ANKRD62: variants seen among roughly 807,000 people sequenced by gnomAD.
ANKRD62 encodes the protein ankyrin repeat domain 62, also known as ankyrin repeat domain-containing protein 62.
ANKRD62 carries 61 observed loss-of-function variants against 98.8 expected under a neutral mutation model. The ratio of observed to expected loss-of-function variants is 0.62; its 90% CI spans 0.50 to 0.76. The LOEUF is 0.76. Among genes scored for constraint, ANKRD62 ranks in the 30% least tolerant of loss-of-function variants. The pLI is 0.00. For missense variants in ANKRD62, 933 were observed against 1,082.9 expected (o/e 0.86, Z 1.94); for synonymous variants, 341 against 367.9 (o/e 0.93, Z 0.84).
chr18:12,176,596 C>G, the ANKRD62 span, among the ~76,000 whole-genome samples: 1 of 122,102 alleles, frequency 8.2e-6, no homozygotes, highest in African/African-American at 3.1e-5. Flanking sequence ...GTGGCTAACA[C>G]AGCCTCTGAC....
At chr18:12,118,153 A>C (rs2143922954) in intron 10 of ANKRD62, among the ~76,000 whole-genome samples, 1 of 152,318 alleles carries the variant, frequency 6.6e-6, no homozygotes, top group South Asian at 2.1e-4. Context: ...ACTGACATGT[A>C]TGCGTGTCAT....
chr18:12,151,599 A>AT, the ANKRD62 span, among the ~76,000 whole-genome samples: 1 of 152,150 alleles, frequency 6.6e-6, no homozygotes, highest in African/African-American at 2.4e-5. Context: ...ACAACACAAT[A>AT]AAAATTAGTG....
At chr18:12,173,282 A>G in the ANKRD62 span, among the ~76,000 whole-genome samples, 1 of 152,218 alleles carries the variant, frequency 6.6e-6, no homozygotes, top group Admixed American at 6.5e-5. Context: ...ATGTTGGCTT[A>G]AAGTCTGTTT....
chr18:12,116,877 T>G (rs1182675053), intron 10 of ANKRD62, among the ~76,000 whole-genome samples: 1 of 152,208 alleles, frequency 6.6e-6, no homozygotes, highest in Non-Finnish European at 1.5e-5. Context: ...ATAATGAATC[T>G]TCCTACTCTT....
chr18:12,164,535 G>A, the ANKRD62 span, among the ~76,000 whole-genome samples: 1 of 151,550 alleles, frequency 6.6e-6, no homozygotes, highest in Non-Finnish European at 1.5e-5. Context: ...TTCAAATTTG[G>A]TTTGCTCTGG....
At chr18:12,146,409 C>T in the ANKRD62 span, among the ~76,000 whole-genome samples, 1,255 of 152,288 alleles carry the variant, frequency 8.2e-3, 65 homozygotes, top group Admixed American at 0.073. Context: ...CAGCACAGCA[C>T]ACTTGCTTTA....
intron 8 of ANKRD62, among the ~76,000 whole-genome samples, chr18:12,107,984 G>A (rs960709218): frequency 3.8e-4 from 58 of 152,202 alleles, no homozygotes; most frequent in African/African-American, 3.6e-4. Context: ...ATTGTTGCGT[G>A]CATACATATA....
chr18:12,108,068 G>A (rs1187057704), intron 8 of ANKRD62, among the ~76,000 whole-genome samples: 1 of 152,084 alleles, frequency 6.6e-6, no homozygotes, highest in Non-Finnish European at 1.5e-5. Context: ...TTAATTAAAG[G>A]AAATAAGTAG....
chr18:12,139,612 C>T, the ANKRD62 span, among the ~76,000 whole-genome samples: 1 of 152,084 alleles, frequency 6.6e-6, no homozygotes, highest in South Asian at 2.1e-4. Flanking sequence ...CGCCACTGCA[C>T]TCCAGCCTGG....
intron 8 of ANKRD62, among the ~76,000 whole-genome samples, chr18:12,110,388 A>G (rs1909513843): frequency 6.6e-6 from 1 of 152,188 alleles, no homozygotes; most frequent in Non-Finnish European, 1.5e-5. Flanking sequence ...TATAATCTAG[A>G]AATGCTCTAT....
chr18:12,097,004 C>T (rs1019025360), intron 4 of ANKRD62, among the ~76,000 whole-genome samples: 1 of 152,130 alleles, frequency 6.6e-6, no homozygotes, highest in African/African-American at 2.4e-5. Flanking sequence ...TATAGATTCA[C>T]ACAAGACTGG....
At chr18:12,136,894 A>T in the ANKRD62 span, among the ~76,000 whole-genome samples, 1 of 152,140 alleles carries the variant, frequency 6.6e-6, no homozygotes, top group Non-Finnish European at 1.5e-5. Context: ...TTGTACATTG[A>T]TTTTGTATCC....
At chr18:12,139,230 G>A in the ANKRD62 span, among the ~76,000 whole-genome samples, 2 of 152,148 alleles carry the variant, frequency 1.3e-5, no homozygotes, top group Non-Finnish European at 2.9e-5. Flanking sequence ...CTCTTTTAGG[G>A]CAGGCCTGGT....
intron 12 of ANKRD62, 89 bp from the exon 13 acceptor site, chr18:12,125,371 G>A (rs545801586): frequency 4.9e-6 from 6 of 1,225,964 alleles, no homozygotes; most frequent in Admixed American, 3.4e-5. Context: ...TTGTATAAAC[G>A]TACAGGTTAT....
the ANKRD62 span, among the ~76,000 whole-genome samples, chr18:12,135,225 A>C: frequency 8.5e-6 from 1 of 117,386 alleles, no homozygotes; most frequent in Non-Finnish European, 1.6e-5. Context: ...CCAGAGTGTG[A>C]TGTTCCCCTT....
At chr18:12,166,036 T>A in the ANKRD62 span, among the ~76,000 whole-genome samples, 1 of 152,134 alleles carries the variant, frequency 6.6e-6, no homozygotes. Flanking sequence ...TGTTATTTGC[T>A]TCTTTTCTCG....
intron 10 of ANKRD62, among the ~76,000 whole-genome samples, chr18:12,119,579 A>C (rs1012905836): frequency 6.6e-6 from 1 of 152,024 alleles, no homozygotes; most frequent in African/African-American, 2.4e-5. Context: ...GTGTTGTGTA[A>C]GAACACTAAT....
At chr18:12,114,606 T>G (rs1306390949) in intron 8 of ANKRD62, among the ~76,000 whole-genome samples, 1 of 152,168 alleles carries the variant, frequency 6.6e-6, no homozygotes, top group Non-Finnish European at 1.5e-5. Flanking sequence ...ATGACTTAAA[T>G]ACATGTACAG....
At chr18:12,108,430 A>G (rs1276002951) in intron 8 of ANKRD62, among the ~76,000 whole-genome samples, 1 of 152,090 alleles carries the variant, frequency 6.6e-6, no homozygotes, top group African/African-American at 2.4e-5. Context: ...GAACTCACTC[A>G]CTATCACAAG....
Sources: gnomAD v4.1 joint callset for allele counts (sites outside exome capture counted in the v4.1 genomes callset) on GRCh38, gnomAD v4.1.1 for gene constraint, MANE v1.5 for transcripts, NCBI Gene and HGNC (gene_info 2026-07-23, HGNC 2026-07-21) for gene names.